Variants in TJP1 observed in about 807,000 individuals in gnomAD.
TJP1 encodes the protein tight junction protein 1.
A neutral mutation model predicts 194.2 loss-of-function variants in TJP1; 43 were observed. The ratio of observed to expected loss-of-function variants is 0.22; its 90% CI spans 0.17 to 0.29. The LOEUF is 0.29. Ranked by LOEUF, TJP1 falls within the 10% of genes least tolerant of loss-of-function variation. The pLI is 1.00. For synonymous variants in TJP1, 801 were observed against 779.0 expected (o/e 1.03, Z -0.47); for missense variants, 1,971 against 2,185.7 (o/e 0.90, Z 1.96).
chr15:29,889,001 ACTC>A (rs1381476645), intron 2 of TJP1, among the ~76,000 whole-genome samples: 2 of 152,088 alleles, frequency 1.3e-5, no homozygotes, highest in Non-Finnish European at 2.9e-5. Context: ...ATAGCCAAGG[ACTC>A]CTGCTCCCCA....
At chr15:29,910,192 G>T (rs2053969664) in intron 2 of TJP1, among the ~76,000 whole-genome samples, 1 of 152,144 alleles carries the variant, frequency 6.6e-6, no homozygotes. Flanking sequence ...GCCGGCAGTA[G>T]AAACAGAACG....
chr15:29,881,854 T>C (rs1411595133), intron 2 of TJP1, among the ~76,000 whole-genome samples: 1 of 152,036 alleles, frequency 6.6e-6, no homozygotes, highest in Non-Finnish European at 1.5e-5. Flanking sequence ...AGTCCTAAAA[T>C]ATTTTCTGTG....
intron 1 of TJP1, chr15:29,968,056 T>C (rs1008044071): frequency 1.0e-6 from 1 of 984,864 alleles, no homozygotes; most frequent in Non-Finnish European, 1.2e-6. Flanking sequence ...CGTAAACCAG[T>C]AAGGTCCAGA....
At chr15:29,724,929 AT>A (rs1001151175) in intron 18 of TJP1, among the ~76,000 whole-genome samples, 3 of 152,152 alleles carry the variant, frequency 2.0e-5, no homozygotes, top group African/African-American at 7.2e-5. Context: ...AGATTTGTGG[AT>A]TTTAAAAAAG....
Position 29,943,877 on chromosome 15 carries a change from G to A in TJP1, c.306+12355C>T, listed in dbSNP as rs574807001. 1.6e-3 allele frequency among the ~76,000 whole-genome samples: 249 copies of A among 151,578 alleles called. 2 individuals carry two copies. The highest frequency in any genetic ancestry group is 5.6e-3 in the African/African-American group (231 of 41,416). On this transcript the variant is annotated intron_variant, in intron 2 of 28. Coordinates refer to the TJP1 transcript ENST00000356107. ...GGAGGAGAATTGCTTGAACCCAGCA[G>A]GCAGAGGTTGCAGTGAGCCAAGATT...
At chr15:29,778,644 C>T (rs1227857120) in intron 2 of TJP1, among the ~76,000 whole-genome samples, 1 of 152,160 alleles carries the variant, frequency 6.6e-6, no homozygotes, top group Non-Finnish European at 1.5e-5. Context: ...ACTTGCTTCC[C>T]AGCACCCCAG....
chr15:29,799,879 G>A (rs2048671551), intron 2 of TJP1, among the ~76,000 whole-genome samples: 6 of 152,066 alleles, frequency 3.9e-5, no homozygotes, highest in Admixed American at 3.9e-4. Context: ...AAAGTGCAAG[G>A]CCAGTATTTA....
At chr15:29,871,680 C>T (rs1377916522) in intron 2 of TJP1, among the ~76,000 whole-genome samples, 1 of 152,218 alleles carries the variant, frequency 6.6e-6, no homozygotes, top group Admixed American at 6.5e-5. Flanking sequence ...GCATACAGCC[C>T]CACTGGGCAT....
intron 2 of TJP1, among the ~76,000 whole-genome samples, chr15:29,909,840 C>A (rs1188639901): frequency 6.6e-6 from 1 of 152,122 alleles, no homozygotes; most frequent in African/African-American, 2.4e-5. Context: ...AATAGGGTAG[C>A]TAAACCCTTC....
At chr15:29,869,804 T>C (rs1283090301) in intron 2 of TJP1, among the ~76,000 whole-genome samples, 127 of 121,924 alleles carry the variant, frequency 1.0e-3, no homozygotes, top group African/African-American at 3.9e-3. Context: ...TCTTTTTTTT[T>C]TTTTTTTTTT....
At chr15:29,939,829 C>G (rs1335219963) in intron 2 of TJP1, among the ~76,000 whole-genome samples, 8 of 152,158 alleles carry the variant, frequency 5.3e-5, no homozygotes, top group Admixed American at 5.2e-4. Context: ...GTCTGTCTAC[C>G]AGGAAGTGGG....
At chr15:29,721,008 TAAA>T (rs2042897046) in intron 18 of TJP1, among the ~76,000 whole-genome samples, 1 of 152,182 alleles carries the variant, frequency 6.6e-6, no homozygotes, top group Non-Finnish European at 1.5e-5. Context: ...CTCAGATTTA[TAAA>T]ACCTACTCAC....
chr15:29,817,924 G>C (rs2050045359), intron 1 of TJP1, among the ~76,000 whole-genome samples: 1 of 151,758 alleles, frequency 6.6e-6, no homozygotes, highest in South Asian at 2.1e-4. Context: ...TTAGATGATG[G>C]GTTCATAGGT....
intron 2 of TJP1, among the ~76,000 whole-genome samples, chr15:29,947,868 A>G (rs1042260127): frequency 2.0e-5 from 3 of 152,234 alleles, no homozygotes; most frequent in African/African-American, 7.2e-5. Flanking sequence ...ACAGTGCGGA[A>G]GGCTGGTCTC....
At chr15:29,781,901 G>A (rs1387746784) in intron 2 of TJP1, among the ~76,000 whole-genome samples, 2 of 152,100 alleles carry the variant, frequency 1.3e-5, no homozygotes, top group Non-Finnish European at 2.9e-5. Flanking sequence ...TTCTCCTTGA[G>A]AACCAGCACA....
At chr15:29,869,398 T>C (rs2052415237) in intron 2 of TJP1, among the ~76,000 whole-genome samples, 1 of 152,202 alleles carries the variant, frequency 6.6e-6, no homozygotes, top group Non-Finnish European at 1.5e-5. Flanking sequence ...TTTACTGAGA[T>C]ACTATTGAAG....
intron 2 of TJP1, among the ~76,000 whole-genome samples, chr15:29,892,468 T>C (rs930473204): frequency 3.3e-5 from 5 of 152,206 alleles, no homozygotes; most frequent in Admixed American, 2.6e-4. Context: ...CAGCCTTCTA[T>C]TGGAGGATGA....
Position 29,701,399 on chromosome 15 carries a change from C to T in TJP1, c.*196G>A. The T allele has an allele frequency of 2.2e-6, 1 of 463,092 alleles. No homozygotes were observed. The highest frequency in any genetic ancestry group is 3.8e-6 in the Non-Finnish European group (1 of 260,646). The allele number at this position is 463,092 out of a possible 1,614,324, so 28.7% of individuals were successfully genotyped here. The stretch of plus-strand genomic sequence containing the variant: ...CCAATACCAACAGTCCCGTCAATCA[C>T]AAACATGCAGTGTGTAGCATGTTTT... On this transcript the variant is annotated 3_prime_UTR_variant, in exon 28 of 28. Coordinates refer to ENST00000614355, the MANE Select transcript of TJP1 (RefSeq NM_001330239.4).
chr15:29,896,274 T>C (rs2053474527), intron 2 of TJP1, among the ~76,000 whole-genome samples: 1 of 152,138 alleles, frequency 6.6e-6, no homozygotes, highest in Non-Finnish European at 1.5e-5. Context: ...TGATAGTGAG[T>C]GAGTCTCATG....
Sources: allele counts gnomAD v4.1 joint callset (sites outside exome capture counted in the v4.1 genomes callset), GRCh38; gene constraint gnomAD v4.1.1; transcripts MANE v1.5; gene names NCBI Gene and HGNC (gene_info 2026-07-23, HGNC 2026-07-21).